DOCK6: variants seen among roughly 807,000 people sequenced by gnomAD.
The protein encoded by DOCK6 is dedicator of cytokinesis 6.
A neutral mutation model predicts 230.3 loss-of-function variants in DOCK6; 167 were observed. The ratio of observed to expected loss-of-function variants is 0.73; its 90% CI spans 0.64 to 0.82. The LOEUF (loss-of-function observed/expected upper bound fraction) is 0.82, where lower values mean the gene tolerates loss of function less well. Ranked by LOEUF, DOCK6 falls within the 40% of genes least tolerant of loss-of-function variation. DOCK6 has a pLI of 0.00. For missense variants in DOCK6, 2,598 were observed against 2,825.8 expected (o/e 0.92, Z 1.83); for synonymous variants, 1,148 against 1,185.0 (o/e 0.97, Z 0.64).
intron 24 of DOCK6, among the ~76,000 whole-genome samples, chr19:11,223,518 C>T (rs1691566503): frequency 6.6e-6 from 1 of 152,166 alleles, no homozygotes; most frequent in African/African-American, 2.4e-5. Flanking sequence ...ACAGTGATGC[C>T]TCTACAACCT....
chr19:11,252,985 C>G, intron 2 of DOCK6, 27 bp from the exon 3 acceptor site: 3 of 1,582,736 alleles, frequency 1.9e-6, no homozygotes, highest in Non-Finnish European at 2.6e-6. Flanking sequence ...TGGCTGTGAT[C>G]GCACTACCTA....
At chr19:11,237,925 C>T in intron 16 of DOCK6, 120 bp downstream of exon 16, 2 of 1,421,886 alleles carry the variant, frequency 1.4e-6, no homozygotes, top group East Asian at 2.5e-5. Context: ...CTCTGGGAGC[C>T]TCTACCTCTC....
chr19:11,235,053 C>A lies in DOCK6; in HGVS notation c.2554+545G>T, dbSNP rs546212605. On this transcript the variant is annotated intron_variant, in intron 21 of 47. Coordinates refer to ENST00000294618, the MANE Select transcript of DOCK6 (RefSeq NM_020812.4). ...CATTTCCCGGGTTCAAGTGATTCTT[C>A]TGCCTCAGCCTCCTGAGTAGCTGGG... Among the ~76,000 whole-genome samples, 8 of 152,106 alleles carry A rather than the reference C, an allele frequency of 5.3e-5. No homozygotes were observed. In the South Asian group the frequency reaches 1.5e-3, roughly 28 times the overall value.
chr19:11,204,197 C>T lies in DOCK6; in HGVS notation c.5220+3G>A. 6.4e-7 allele frequency: 1 copy of T among 1,551,772 alleles called. No individual in the cohort carries two copies. The highest frequency in any genetic ancestry group is 8.7e-7 in the Non-Finnish European group (1 of 1,146,536). On this transcript the variant is annotated splice_donor_region_variant and intron_variant, in intron 40 of 47. Coordinates refer to ENST00000294618, the MANE Select transcript of DOCK6 (RefSeq NM_020812.4). ...GGGTCTGGGGAGGGGGTCCTGGGCC[C>T]ACCTGGTGCATGATCTTGGTGAAGG...
intron 22 of DOCK6, among the ~76,000 whole-genome samples, chr19:11,231,116 TC>T (rs2079759115): frequency 2.0e-5 from 3 of 151,748 alleles, no homozygotes. Flanking sequence ...CTGCTAGGAG[TC>T]CCCTGGGCCT....
chr19:11,200,346 G>A lies in DOCK6; in HGVS notation c.6063C>T (p.Arg2021=). The change falls in exon 47 of 48, where the codon CGC becomes CGT. Residue 2021 remains arginine (R), a synonymous_variant. Coordinates refer to ENST00000294618, the MANE Select transcript of DOCK6 (RefSeq NM_020812.4). The surrounding 1 kb of genome is among the most constrained non-coding windows in gnomAD (Gnocchi z 4.3). ...GGGTGGGTGCCATCAGCTGGGGCAGGCGCTGGGTAAGCAGGGGCTGCAGAG... is the reference window on the plus strand; with the variant it reads ...GGGTGGGTGCCATCAGCTGGGGCAGACGCTGGGTAAGCAGGGGCTGCAGAG... ...REALQPLLTQ[R]LPQLMAPTPP... The A allele has an allele frequency of 6.3e-7, 1 of 1,578,232 alleles. No individual in the cohort carries two copies. The highest frequency in any genetic ancestry group is 8.6e-7 in the Non-Finnish European group (1 of 1,162,072).
chr19:11,244,757 C>T (rs1421974439), intron 9 of DOCK6, among the ~76,000 whole-genome samples: 1 of 152,078 alleles, frequency 6.6e-6, no homozygotes, highest in Non-Finnish European at 1.5e-5. Flanking sequence ...CCGCGCCCAG[C>T]CAATTTTTGT....
Position 11,238,303 on chromosome 19 carries a change from T to C in DOCK6, c.1645A>G (p.Asn549Asp), listed in dbSNP as rs766650266. ...CTGTGCGGGTACACGTACAGCAGGT[T>C]CCTGTGGGGGGCAGGATGGGGGTGT... ...EVYAPHTSYRNLLYVYPHSLN... is the reference protein window; with the variant it reads ...EVYAPHTSYRDLLYVYPHSLN... Residue 549 changes from asparagine (N) to aspartate (D), a missense_variant and splice_region_variant, in exon 15 of 48, where the codon AAC becomes GAC. Coordinates refer to ENST00000294618, the MANE Select transcript of DOCK6 (RefSeq NM_020812.4). 5.6e-6 allele frequency: 9 copies of C among 1,603,208 alleles called. No homozygotes were observed. Among genetic ancestry groups the C allele is most frequent in the Non-Finnish European group, 7.7e-6 (9 of 1,174,952 alleles).
At chr19:11,252,740 C>G in intron 3 of DOCK6, 43 bp downstream of exon 3, 1 of 1,595,872 alleles carries the variant, frequency 6.3e-7, no homozygotes, top group Non-Finnish European at 8.6e-7. Context: ...TTGGCAGAGA[C>G]AGAGTGGAAT....
chr19:11,210,757 C>T (rs1024486344), intron 37 of DOCK6, among the ~76,000 whole-genome samples: 1 of 149,540 alleles, frequency 6.7e-6, no homozygotes, highest in Non-Finnish European at 1.5e-5. Context: ...CTCACCTGTT[C>T]ACCTCACCTG....
At chr19:11,215,503 G>A (rs757069288) in intron 31 of DOCK6, 32 bp from the exon 32 acceptor site, 14 of 1,584,922 alleles carry the variant, frequency 8.8e-6, no homozygotes, top group East Asian at 4.5e-5. Context: ...TCACAGATGC[G>A]TAAAAACACA....
chr19:11,222,208 G>T lies in DOCK6; in HGVS notation c.3281C>A (p.Thr1094Asn), dbSNP rs543859881. Residue 1094 changes from threonine to asparagine, a missense_variant, in exon 27 of 48, where the codon ACC becomes AAC. Thr to Asn is a moderately conservative substitution (Grantham distance 65). Coordinates refer to ENST00000294618, the MANE Select transcript of DOCK6 (RefSeq NM_020812.4). This position sits in a 1 kb window ranked among gnomAD's most constrained non-coding sequence, Gnocchi z 4.0. ...TGGTCCACTCAGTTCGAACATGCTGGTCACCTTGGGGTCCGGGGCTTGGCT... is the reference window on the plus strand; with the variant it reads ...TGGTCCACTCAGTTCGAACATGCTGTTCACCTTGGGGTCCGGGGCTTGGCT... ...FSSQAPDPKV[T>N]SMFELSGPFR... The T allele has an allele frequency of 7.5e-6, 12 of 1,606,014 alleles. No homozygotes were observed. The highest frequency in any genetic ancestry group is 1.7e-5 in the Admixed American group (1 of 58,584).
At chr19:11,259,017 C>G (rs1295015319) in intron 1 of DOCK6, among the ~76,000 whole-genome samples, 1 of 151,856 alleles carries the variant, frequency 6.6e-6, no homozygotes, top group Non-Finnish European at 1.5e-5. Context: ...CCAAAGTGCT[C>G]GGATTATAGG....
In DOCK6 at chr19:11,212,022, C is replaced by A. The variant is rs755005212; in HGVS notation, c.4621G>T (p.Gly1541Trp). The A allele has an allele frequency of 6.2e-7, 1 of 1,608,774 alleles. No homozygotes were observed. Among genetic ancestry groups the A allele is most frequent in the Non-Finnish European group, 8.5e-7 (1 of 1,178,072 alleles). ...TCTGCGAAGGTGCTGTCCCGCAGCC[C>A]CATGTCCTCCTCAGCATAGGTGAGG... ...TILTYAEEDM[G>W]LRDSTFAEQV... is the part of the protein sequence containing the mutation. The change falls in exon 36 of 48, where the codon GGG (glycine) becomes TGG (tryptophan). Residue 1541 changes from glycine to tryptophan, a missense_variant. Gly to Trp is a radical substitution (Grantham distance 184). Transcript: ENST00000294618.
At position 11,217,182 on chromosome 19, in the gene DOCK6, C is replaced by T. The variant is rs769371609; in HGVS notation, c.3711+49G>A. The T allele has an allele frequency of 1.2e-5, 19 of 1,600,490 alleles. 1 individual carries two copies. In the Admixed American group the frequency reaches 2.4e-4, roughly 20 times the overall value. ...CAATCTGTATCTTGATACATGACTTCTCTCATTCAAAGTGGATGATGTCTA... is the reference window on the plus strand; with the variant it reads ...CAATCTGTATCTTGATACATGACTTTTCTCATTCAAAGTGGATGATGTCTA... On this transcript the variant is annotated intron_variant, in intron 29 of 47. Transcript: ENST00000294618.
At chr19:11,208,586 C>T (rs1338381180) in intron 39 of DOCK6, 100 bp downstream of exon 39, 1 of 1,489,412 alleles carries the variant, frequency 6.7e-7, no homozygotes, top group Non-Finnish European at 9.0e-7. Flanking sequence ...GCCTATTCTC[C>T]TTCTTTCTAA....
intron 28 of DOCK6, among the ~76,000 whole-genome samples, chr19:11,218,302 G>A (rs894505760): frequency 6.6e-6 from 1 of 151,686 alleles, no homozygotes; most frequent in Non-Finnish European, 1.5e-5. Context: ...GCGCGCCACC[G>A]TGCATGGCTA....
intron 14 of DOCK6, among the ~76,000 whole-genome samples, chr19:11,239,336 C>T (rs752393074): frequency 7.2e-5 from 11 of 152,320 alleles, no homozygotes; most frequent in South Asian, 2.1e-4. Context: ...ATCATCATTG[C>T]GATGCCTATT....
At chr19:11,216,163 C>G (rs1281514302) in intron 30 of DOCK6, 1 of 339,680 alleles carries the variant, frequency 2.9e-6, no homozygotes, top group Non-Finnish European at 5.4e-6. Context: ...ATGATCTTGG[C>G]TCATTGCAAC....
Sources: allele counts gnomAD v4.1 joint callset (sites outside exome capture counted in the v4.1 genomes callset), GRCh38; gene constraint gnomAD v4.1.1; non-coding constraint Gnocchi (gnomAD v3.1); transcripts MANE v1.5; gene names NCBI Gene and HGNC (gene_info 2026-07-23, HGNC 2026-07-21).